Variants in SRD5A2 observed in about 807,000 individuals in gnomAD.
SRD5A2 encodes the protein 3-oxo-5-alpha-steroid 4-dehydrogenase 2.
In SRD5A2, 30 loss-of-function variants were observed where a neutral mutation model predicts 27.4. That is an observed-to-expected ratio of 1.10 (90% confidence interval 0.82 to 1.49). The LOEUF (loss-of-function observed/expected upper bound fraction) is 1.49. Ranked by LOEUF, SRD5A2 falls within the 40% of genes most tolerant of loss-of-function variation. SRD5A2 has a pLI of 0.00. For synonymous variants in SRD5A2, 141 were observed against 133.6 expected, an observed-to-expected ratio of 1.06 and a Z score of -0.38; for missense variants, 348 against 323.4, an observed-to-expected ratio of 1.08 and a Z score of -0.58.
the SRD5A2 span, among the ~76,000 whole-genome samples, chr2:31,603,061 C>T: frequency 3.3e-5 from 5 of 151,978 alleles, no homozygotes; most frequent in Non-Finnish European, 7.4e-5. Flanking sequence ...CAAACATTGA[C>T]AAATGTTATC....
chr2:31,611,053 G>T, the SRD5A2 span, among the ~76,000 whole-genome samples: 3 of 152,100 alleles, frequency 2.0e-5, no homozygotes, highest in East Asian at 1.9e-4. Flanking sequence ...AGTTTGCAGT[G>T]AGCCAAGATT....
intron 1 of SRD5A2, among the ~76,000 whole-genome samples, chr2:31,570,050 C>A (rs945037896): frequency 6.6e-6 from 1 of 152,076 alleles, no homozygotes; most frequent in African/African-American, 2.4e-5. Flanking sequence ...CATCCTCATA[C>A]CAAAACCTCA....
Position 31,580,729 on chromosome 2 carries a change from G to C in SRD5A2, c.172C>G (p.Leu58Val). 3 of 1,608,428 alleles carry C rather than the reference G, an allele frequency of 1.9e-6. No homozygotes were observed. The highest frequency in any genetic ancestry group is 2.5e-6 in the Non-Finnish European group (3 of 1,179,500). ...PARAAWFLQE[L>V]PSFAVPAGIL... is the part of the protein sequence containing the mutation. ...CCCGCGGGCACCGCGAAGGAAGGCA[G>C]CTCCTGCAGGAACCAGGCGGCGCGG... Residue 58 changes from leucine to valine, a missense_variant, in exon 1 of 5, where the codon CTG (leucine) becomes GTG (valine). By Grantham distance (32) the Leu-to-Val change is conservative (BLOSUM62 1). Transcript: ENST00000622030.
chr2:31,611,519 T>G, the SRD5A2 span, among the ~76,000 whole-genome samples: 545 of 152,214 alleles, frequency 3.6e-3, 3 homozygotes, highest in Non-Finnish European at 4.7e-3. Flanking sequence ...ATTAGCCCTA[T>G]AAAAATAGGC....
At chr2:31,631,345 G>A in the SRD5A2 span, among the ~76,000 whole-genome samples, 2 of 152,140 alleles carry the variant, frequency 1.3e-5, no homozygotes, top group African/African-American at 4.8e-5. Context: ...TAACTAATCC[G>A]ATAAGCAGAG....
chr2:31,555,541 C>A (rs1666477621), intron 1 of SRD5A2, among the ~76,000 whole-genome samples: 2 of 152,082 alleles, frequency 1.3e-5, no homozygotes, highest in Non-Finnish European at 2.9e-5. Flanking sequence ...AGTTGTCTTG[C>A]CAGTACCTAA....
chr2:31,622,812 G>A, the SRD5A2 span, among the ~76,000 whole-genome samples: 5 of 152,154 alleles, frequency 3.3e-5, no homozygotes, highest in Admixed American at 1.3e-4. Context: ...GGTCATCACC[G>A]GTTGTTGAAT....
chr2:31,556,730 G>A (rs2148084353), intron 1 of SRD5A2, among the ~76,000 whole-genome samples: 1 of 152,286 alleles, frequency 6.6e-6, no homozygotes, highest in East Asian at 1.9e-4. Flanking sequence ...CTTCAGAATA[G>A]TAAGAGTAAG....
chr2:31,585,531 A>G (rs1387218260), upstream of SRD5A2, among the ~76,000 whole-genome samples: 1 of 152,132 alleles, frequency 6.6e-6, no homozygotes, highest in Non-Finnish European at 1.5e-5. Context: ...CTTCCAGGTG[A>G]CATTCCTAGA....
At position 31,525,955 on chromosome 2, in the gene SRD5A2, G is replaced by C. The variant is rs1374383594; in HGVS notation, c.*241C>G. 2 of 395,978 alleles carry C rather than the reference G, an allele frequency of 5.1e-6. No individual in the cohort carries two copies. Among genetic ancestry groups the C allele is most frequent in the Non-Finnish European group, 9.1e-6 (2 of 220,508 alleles). The allele number at this position is 395,978 out of a possible 1,614,324, so 24.5% of individuals were successfully genotyped here. On this transcript the variant is annotated 3_prime_UTR_variant, in exon 5 of 5. Transcript: ENST00000622030. Reference sequence around the variant, plus strand: ...TCAGAGCAATAGCTAAGAAGCAACTGTCGCCATTTGGAAAAGTGGCTTTTT... The same window carrying C: ...TCAGAGCAATAGCTAAGAAGCAACTCTCGCCATTTGGAAAAGTGGCTTTTT...
intron 1 of SRD5A2, among the ~76,000 whole-genome samples, chr2:31,553,500 G>C (rs1666423163): frequency 6.6e-6 from 1 of 151,982 alleles, no homozygotes; most frequent in Non-Finnish European, 1.5e-5. Flanking sequence ...CCAAAATACA[G>C]AGACAAAGAA....
the SRD5A2 span, among the ~76,000 whole-genome samples, chr2:31,597,634 G>A: frequency 1.3e-5 from 2 of 151,964 alleles, no homozygotes; most frequent in African/African-American, 4.8e-5. Context: ...ATCAAAAAGT[G>A]GGCTAAGGAC....
chr2:31,620,270 C>G, the SRD5A2 span, among the ~76,000 whole-genome samples: 1 of 152,064 alleles, frequency 6.6e-6, no homozygotes, highest in Admixed American at 6.6e-5. Flanking sequence ...ACCTTGAAAA[C>G]TAGCACAAGA....
At chr2:31,647,136 C>A in the SRD5A2 span, among the ~76,000 whole-genome samples, 1 of 152,004 alleles carries the variant, frequency 6.6e-6, no homozygotes, top group African/African-American at 2.4e-5. Context: ...CAGAGTAACA[C>A]CCTGTCTCAG....
At chr2:31,545,449 T>C (rs1464122775) in intron 1 of SRD5A2, among the ~76,000 whole-genome samples, 1 of 152,116 alleles carries the variant, frequency 6.6e-6, no homozygotes, top group Non-Finnish European at 1.5e-5. Context: ...GTGTAATCCA[T>C]AGCGTTGTCA....
At chr2:31,648,374 C>T in the SRD5A2 span, among the ~76,000 whole-genome samples, 3 of 152,190 alleles carry the variant, frequency 2.0e-5, no homozygotes, top group African/African-American at 7.2e-5. Flanking sequence ...TCTAGTCCAG[C>T]CATGTGTGTG....
the SRD5A2 span, among the ~76,000 whole-genome samples, chr2:31,594,983 C>T: frequency 2.6e-5 from 4 of 152,000 alleles, no homozygotes; most frequent in Non-Finnish European, 4.4e-5. Context: ...GAAATCAAAA[C>T]GGAAATTTTT....
chr2:31,537,262 C>A (rs887470578), intron 1 of SRD5A2, among the ~76,000 whole-genome samples: 1 of 152,154 alleles, frequency 6.6e-6, no homozygotes, highest in Admixed American at 6.5e-5. Context: ...TTACACCTTT[C>A]TTGACCCTGT....
chr2:31,528,801 T>A (rs896354273), intron 4 of SRD5A2, among the ~76,000 whole-genome samples: 4 of 150,722 alleles, frequency 2.7e-5, no homozygotes, highest in Non-Finnish European at 5.9e-5. Context: ...TAAATAAATA[T>A]CTGTGGAGCT....
Sources: gnomAD v4.1 joint callset for allele counts (sites outside exome capture counted in the v4.1 genomes callset) on GRCh38, gnomAD v4.1.1 for gene constraint, MANE v1.5 for transcripts, NCBI Gene and HGNC (gene_info 2026-07-23, HGNC 2026-07-21) for gene names.